Variants in SPAG9 observed in about 807,000 individuals in gnomAD.
The protein encoded by SPAG9 is C-Jun-amino-terminal kinase-interacting protein 4.
SPAG9 carries 35 observed loss-of-function variants against 166.5 expected under a neutral mutation model. The ratio of observed to expected loss-of-function variants is 0.21; its 90% CI spans 0.16 to 0.28. The LOEUF (loss-of-function observed/expected upper bound fraction) is 0.28. Ranked by LOEUF, SPAG9 falls within the 10% of genes least tolerant of loss-of-function variation. SPAG9 has a pLI of 1.00. For synonymous variants in SPAG9, 534 were observed against 565.5 expected, an observed-to-expected ratio of 0.94 and a Z score of 0.79; for missense variants, 1,235 against 1,603.3, an observed-to-expected ratio of 0.77 and a Z score of 3.92.
chr17:51,019,924 C>T lies in SPAG9; in HGVS notation c.1091+235G>A, dbSNP rs530672144. On this transcript the variant is annotated intron_variant, in intron 8 of 29. Coordinates refer to ENST00000262013, the MANE Select transcript of SPAG9 (RefSeq NM_001130528.3). Reference sequence around the variant, plus strand: ...TTTTGCTATAGCAGTACAAAATAGACTAAGACACCATCCTTCCTGCTCATA... The same window carrying T: ...TTTTGCTATAGCAGTACAAAATAGATTAAGACACCATCCTTCCTGCTCATA... Among the ~76,000 whole-genome samples, 7 of 152,296 alleles carry T rather than the reference C, an allele frequency of 4.6e-5. No homozygotes were observed. In the East Asian group the frequency reaches 9.6e-4, roughly 21 times the overall value.
chr17:50,972,217 C>T (rs1973876600), intron 28 of SPAG9, among the ~76,000 whole-genome samples: 2 of 152,178 alleles, frequency 1.3e-5, no homozygotes, highest in South Asian at 2.1e-4. Flanking sequence ...CTATTATAGT[C>T]TAAATCTTTT....
chr17:51,000,175 A>G (rs1001085766), intron 13 of SPAG9, among the ~76,000 whole-genome samples: 14 of 152,208 alleles, frequency 9.2e-5, no homozygotes, highest in African/African-American at 3.4e-4. Flanking sequence ...AAACTTTTCC[A>G]TCACTGGAAA....
chr17:51,010,783 T>C lies in SPAG9; in HGVS notation c.1213+3449A>G, dbSNP rs114311529. Among the ~76,000 whole-genome samples, 955 of 152,044 alleles carry C rather than the reference T, an allele frequency of 6.3e-3. 8 individuals carry two copies. The highest frequency in any genetic ancestry group is 0.022 in the African/African-American group (908 of 41,484). On this transcript the variant is annotated intron_variant, in intron 9 of 29. Transcript: ENST00000262013. ...AAGATAACAAACTGAGCTTTATACA[T>C]GTCAAACGTAAAGCCCTCCAAGTCA... is the stretch of plus-strand genomic sequence containing the variant.
At chr17:50,966,417 G>A (rs769936495) in intron 29 of SPAG9, 30 bp from the exon 30 acceptor site, 2 of 1,285,608 alleles carry the variant, frequency 1.6e-6, no homozygotes, top group Admixed American at 3.4e-5. Flanking sequence ...CTCAAGTTAG[G>A]CTGAACACAT....
chr17:51,013,901 T>A (rs28459829), intron 9 of SPAG9, among the ~76,000 whole-genome samples: 1 of 151,064 alleles, frequency 6.6e-6, no homozygotes, highest in Non-Finnish European at 1.5e-5. Context: ...CACATACACA[T>A]ACACACACAC....
intron 6 of SPAG9, 85 bp from the exon 7 acceptor site, chr17:51,021,450 C>A (rs544512794): frequency 4.4e-6 from 5 of 1,125,602 alleles, no homozygotes; most frequent in South Asian, 3.3e-5. Flanking sequence ...ATAAATCTAC[C>A]AAAGAAAGTT....
At position 51,064,402 on chromosome 17, in the gene SPAG9, T is replaced by A. The variant is rs575635761; in HGVS notation, c.425-7920A>T. Among the ~76,000 whole-genome samples, 6 of 152,336 alleles carry A rather than the reference T, an allele frequency of 3.9e-5. No individual in the cohort carries two copies. In the South Asian group the frequency reaches 1.2e-3, roughly 32 times the overall value. ...TATACTCAGCTCTTCAAAACTGTATTACTACAGACTTTCAGATAGCAAAGT... is the reference window on the plus strand; with the variant it reads ...TATACTCAGCTCTTCAAAACTGTATAACTACAGACTTTCAGATAGCAAAGT... On this transcript the variant is annotated intron_variant, in intron 2 of 29. Transcript: ENST00000262013.
chr17:51,059,952 G>A (rs557975631), intron 2 of SPAG9, among the ~76,000 whole-genome samples: 1 of 152,010 alleles, frequency 6.6e-6, no homozygotes, highest in East Asian at 1.9e-4. Context: ...AAATAGAGAT[G>A]GAATCAAACA....
intron 18 of SPAG9, among the ~76,000 whole-genome samples, chr17:50,994,297 A>G (rs1315479297): frequency 6.6e-6 from 1 of 152,144 alleles, no homozygotes; most frequent in Non-Finnish European, 1.5e-5. Context: ...CCATGTAAGA[A>G]GTGCCTTTCA....
chr17:51,052,162 A>G (rs1440072335), intron 3 of SPAG9, among the ~76,000 whole-genome samples: 2 of 152,240 alleles, frequency 1.3e-5, no homozygotes, highest in South Asian at 2.1e-4. Flanking sequence ...TAAAAGTGCT[A>G]AACAACTATT....
At chr17:50,999,519 T>G in intron 14 of SPAG9, 142 bp downstream of exon 14, 2 of 1,489,300 alleles carry the variant, frequency 1.3e-6, no homozygotes, top group Non-Finnish European at 8.9e-7. Flanking sequence ...AAAGTTCAGT[T>G]TAGCTACTTA....
intron 12 of SPAG9, among the ~76,000 whole-genome samples, chr17:51,003,244 T>TA (rs954092909): frequency 6.6e-6 from 1 of 151,904 alleles, no homozygotes; most frequent in African/African-American, 2.4e-5. Context: ...ACTCTGTCTC[T>TA]AAAAAATAGT....
intron 6 of SPAG9, among the ~76,000 whole-genome samples, chr17:51,028,645 C>T (rs748555410): frequency 2.0e-5 from 3 of 152,164 alleles, no homozygotes; most frequent in Non-Finnish European, 2.9e-5. Flanking sequence ...GTTCCTACAA[C>T]AAAATCACCT....
chr17:51,021,884 G>A (rs1369259056), intron 6 of SPAG9, among the ~76,000 whole-genome samples: 1 of 152,126 alleles, frequency 6.6e-6, no homozygotes, highest in Admixed American at 6.5e-5. Flanking sequence ...CAACACTTTG[G>A]GAGGCCGAGG....
intron 2 of SPAG9, among the ~76,000 whole-genome samples, chr17:51,071,974 T>G (rs2047831799): frequency 6.6e-6 from 1 of 152,158 alleles, no homozygotes; most frequent in African/African-American, 2.4e-5. Context: ...CCACCTCTCC[T>G]CCCACTACAG....
Position 50,998,621 on chromosome 17 carries a change from AAAG to A in SPAG9, c.1665-7_1665-5del, listed in dbSNP as rs756312714. 3.1e-6 allele frequency: 5 copies of A among 1,613,880 alleles called. No homozygotes were observed. Among genetic ancestry groups the A allele is most frequent in the East Asian group, 2.2e-5 (1 of 44,874 alleles). ...GGAGCTGAAAAGTCGGCTGAAACTA[AAAG>A]AAGACAGTATGTCTGTGTGTCACAT... On this transcript the variant is annotated splice_polypyrimidine_tract_variant and splice_region_variant and intron_variant, in intron 14 of 29. Coordinates refer to ENST00000262013, the MANE Select transcript of SPAG9 (RefSeq NM_001130528.3).
chr17:51,109,045 A>T (rs929227746), intron 1 of SPAG9, among the ~76,000 whole-genome samples: 50 of 151,536 alleles, frequency 3.3e-4, no homozygotes, highest in African/African-American at 1.2e-3. Flanking sequence ...TATTTTTAGT[A>T]GAGACAGGGT....
chr17:51,027,717 T>C (rs1251929400), intron 6 of SPAG9, among the ~76,000 whole-genome samples: 1 of 152,200 alleles, frequency 6.6e-6, no homozygotes, highest in East Asian at 1.9e-4. Context: ...GTATAGTACA[T>C]GCAATTCTAT....
At position 50,996,666 on chromosome 17, in the gene SPAG9, C is replaced by T. The variant is rs2143901016; in HGVS notation, c.1867G>A (p.Glu623Lys). The T allele has an allele frequency of 6.2e-7, 1 of 1,614,106 alleles. No individual in the cohort carries two copies. Among genetic ancestry groups the T allele is most frequent in the Non-Finnish European group, 8.5e-7 (1 of 1,180,006 alleles). Residue 623 changes from glutamate (E) to lysine (K), a missense_variant, in exon 16 of 30, where the codon GAA (glutamate) becomes AAA (lysine). Around this residue, in one of 6 missense-constraint regions of SPAG9, gnomAD observed 493 missense variants for 559.4 expected, o/e 0.88. Coordinates refer to ENST00000262013, the MANE Select transcript of SPAG9 (RefSeq NM_001130528.3). ...TGACGATACTGCTCTCTCTTTTGTT[C>T]TCTGCGTGAGGCTAAACTAGCTTCA... ...ETEASLASRR[E>K]QKREQYRQVK...
Sources: gnomAD v4.1 joint callset for allele counts (sites outside exome capture counted in the v4.1 genomes callset) on GRCh38, gnomAD v4.1.1 for gene constraint, gnomAD v4.1.1 regional missense constraint, MANE v1.5 for transcripts, NCBI Gene and HGNC (gene_info 2026-07-23, HGNC 2026-07-21) for gene names.